ROBO1: variants seen among roughly 807,000 people sequenced by gnomAD.
The protein encoded by ROBO1 is roundabout guidance receptor 1, also known as roundabout homolog 1.
Under a neutral mutation model 195.9 loss-of-function variants are expected in ROBO1, and 149 were observed. The ratio of observed to expected loss-of-function variants is 0.76; its 90% CI spans 0.67 to 0.87. The LOEUF (loss-of-function observed/expected upper bound fraction) is 0.87. Ranked by LOEUF, ROBO1 falls within the 40% of genes least tolerant of loss-of-function variation. The probability of loss-of-function intolerance (pLI) is 0.00; values close to 1 mark genes in which losing one functional copy is unlikely to be tolerated. For synonymous variants in ROBO1, 816 were observed against 733.2 expected (o/e 1.11, Z -1.82); for missense variants, 1,933 against 2,068.3 (o/e 0.93, Z 1.27).
At chr3:78,992,493 C>G (rs2077261304) in intron 3 of ROBO1, among the ~76,000 whole-genome samples, 1 of 152,094 alleles carries the variant, frequency 6.6e-6, no homozygotes, top group South Asian at 2.1e-4. Flanking sequence ...TAGAAGCAGA[C>G]CCTGGCAATG....
chr3:79,711,304 G>A (rs551293886), intron 1 of ROBO1, among the ~76,000 whole-genome samples: 28 of 152,092 alleles, frequency 1.8e-4, no homozygotes, highest in Admixed American at 8.5e-4. Flanking sequence ...AACTTGTTAC[G>A]TTGTAAAAGC....
intron 3 of ROBO1, among the ~76,000 whole-genome samples, chr3:79,100,632 T>C (rs1477591579): frequency 6.6e-6 from 1 of 151,812 alleles, no homozygotes; most frequent in Non-Finnish European, 1.5e-5. Context: ...AACGCTGAAA[T>C]AATTTATGTT....
intron 1 of ROBO1, among the ~76,000 whole-genome samples, chr3:79,707,457 G>A (rs1947807743): frequency 6.6e-6 from 1 of 151,794 alleles, no homozygotes; most frequent in Admixed American, 6.6e-5. Context: ...TGCTCTCATT[G>A]CTTTTTCTCT....
chr3:79,185,820 A>G (rs1272759166), intron 2 of ROBO1, among the ~76,000 whole-genome samples: 1 of 152,136 alleles, frequency 6.6e-6, no homozygotes, highest in Non-Finnish European at 1.5e-5. Context: ...TCCTTTTCTC[A>G]TATAGGACTT....
intron 3 of ROBO1, among the ~76,000 whole-genome samples, chr3:78,987,649 T>C (rs185229590): frequency 1.3e-5 from 2 of 149,400 alleles, no homozygotes; most frequent in Non-Finnish European, 3.0e-5. Flanking sequence ...GGTGAATGGG[T>C]ACCAAAAAAA....
chr3:79,731,040 T>G (rs1380397256), intron 1 of ROBO1, among the ~76,000 whole-genome samples: 1 of 152,036 alleles, frequency 6.6e-6, no homozygotes, highest in Non-Finnish European at 1.5e-5. Context: ...TATTTCAAAG[T>G]TGAGCCATTT....
At chr3:79,187,966 G>C (rs1238917809) in intron 2 of ROBO1, among the ~76,000 whole-genome samples, 2 of 151,814 alleles carry the variant, frequency 1.3e-5, no homozygotes, top group Non-Finnish European at 2.9e-5. Context: ...GATCCTCACT[G>C]AGCTAAAGGT....
chr3:78,839,954 C>T (rs331132), intron 4 of ROBO1, among the ~76,000 whole-genome samples: 147,255 of 152,324 alleles, frequency 0.97, 71,234 homozygotes, highest in East Asian at 1. Flanking sequence ...TAACAAAAAG[C>T]GTATTAACTA....
chr3:78,879,539 AG>A (rs916241999), intron 4 of ROBO1, among the ~76,000 whole-genome samples: 5 of 151,826 alleles, frequency 3.3e-5, no homozygotes, highest in African/African-American at 1.2e-4. Flanking sequence ...AAAAAAAAAA[AG>A]AACTAAATAC....
chr3:79,088,182 T>C (rs2079408885), intron 3 of ROBO1, among the ~76,000 whole-genome samples: 1 of 149,586 alleles, frequency 6.7e-6, no homozygotes, highest in African/African-American at 2.4e-5. Flanking sequence ...TCTGTCACTA[T>C]AATATCTGCT....
chr3:79,425,807 T>C lies in ROBO1; in HGVS notation c.88+164017A>G, dbSNP rs185076059. Among the ~76,000 whole-genome samples the C allele has an allele frequency of 5.3e-5, 8 of 152,186 alleles. No homozygotes were observed. The South Asian group carries it at 1.7e-3, about 32-fold the overall frequency. ...ACAGAAAACCGAGTGACCATTTCCC[T>C]AGCTACAAATTGGAATAGAGAGGAA... On this transcript the variant is annotated intron_variant, in intron 2 of 30. Transcript: ENST00000464233.
chr3:79,111,506 A>C (rs962348889), intron 3 of ROBO1, among the ~76,000 whole-genome samples: 2 of 152,080 alleles, frequency 1.3e-5, no homozygotes, highest in African/African-American at 4.8e-5. Context: ...TAGTTATCAC[A>C]TTAAAAATTA....
chr3:79,060,827 C>T (rs1435271166), intron 3 of ROBO1, among the ~76,000 whole-genome samples: 1 of 152,058 alleles, frequency 6.6e-6, no homozygotes, highest in Non-Finnish European at 1.5e-5. Context: ...TCTCAATAAA[C>T]TAGGTATTGA....
At chr3:78,731,412 G>T (rs1023759847) in intron 5 of ROBO1, among the ~76,000 whole-genome samples, 1 of 152,066 alleles carries the variant, frequency 6.6e-6, no homozygotes, top group African/African-American at 2.4e-5. Context: ...ATATCAGTCA[G>T]TGTGAAGATT....
chr3:79,592,868 TA>T (rs1357478540), intron 1 of ROBO1, among the ~76,000 whole-genome samples: 1 of 152,042 alleles, frequency 6.6e-6, no homozygotes, highest in Non-Finnish European at 1.5e-5. Flanking sequence ...TTCACTGCCC[TA>T]AAAATCCTTT....
intron 4 of ROBO1, among the ~76,000 whole-genome samples, chr3:78,819,663 A>C (rs537907317): frequency 7.9e-5 from 12 of 152,018 alleles, no homozygotes; most frequent in Non-Finnish European, 1.3e-4. Context: ...GTCTATCCCT[A>C]CTCCAATATC....
At chr3:78,725,490 AG>A (rs2082140455) in intron 5 of ROBO1, among the ~76,000 whole-genome samples, 1 of 152,136 alleles carries the variant, frequency 6.6e-6, no homozygotes, top group African/African-American at 2.4e-5. Context: ...TACTTTTTTT[AG>A]GGGTAAAGAC....
intron 1 of ROBO1, among the ~76,000 whole-genome samples, chr3:79,719,709 A>C (rs1702622562): frequency 6.6e-6 from 1 of 152,050 alleles, no homozygotes; most frequent in Non-Finnish European, 1.5e-5. Context: ...ATCTTCATAA[A>C]GAAAAAAACA....
intron 2 of ROBO1, among the ~76,000 whole-genome samples, chr3:79,323,671 G>A (rs1001701177): frequency 2.6e-5 from 4 of 152,214 alleles, no homozygotes; most frequent in Non-Finnish European, 5.9e-5. Context: ...ATTTACTTGA[G>A]TTTATAAACC....
Sources: gnomAD v4.1 joint callset for allele counts (sites outside exome capture counted in the v4.1 genomes callset) on GRCh38, gnomAD v4.1.1 for gene constraint, MANE v1.5 for transcripts, NCBI Gene and HGNC (gene_info 2026-07-23, HGNC 2026-07-21) for gene names.